AIM2: variants seen among roughly 807,000 people sequenced by gnomAD.
The protein encoded by AIM2 is absent in melanoma 2.
In AIM2, 30 loss-of-function variants were observed where a neutral mutation model predicts 27.7. That is an observed-to-expected ratio of 1.08 (90% CI 0.81 to 1.47). The LOEUF (loss-of-function observed/expected upper bound fraction) is 1.47, where lower values mean the gene tolerates loss of function less well. AIM2 is among the 40% of genes most tolerant of loss of function. The probability of loss-of-function intolerance (pLI) is 0.00; values close to 1 mark genes in which losing one functional copy is unlikely to be tolerated. For synonymous variants in AIM2, 141 were observed against 145.3 expected (o/e 0.97, Z 0.21); for missense variants, 358 against 411.3 (o/e 0.87, Z 1.12).
At chr1:159,145,693 A>G (rs1389864662) in intron 1 of AIM2, among the ~76,000 whole-genome samples, 3 of 152,202 alleles carry the variant, frequency 2.0e-5, no homozygotes, top group Admixed American at 2.0e-4. Context: ...GTCACAAGAA[A>G]GTCCATACAG....
intron 1 of AIM2, among the ~76,000 whole-genome samples, chr1:159,120,623 A>C (rs568438570): frequency 6.6e-6 from 1 of 152,352 alleles, no homozygotes; most frequent in Admixed American, 6.5e-5. Flanking sequence ...TAGCATGTGT[A>C]AAACTGCCAT....
intron 2 of AIM2, among the ~76,000 whole-genome samples, chr1:159,070,876 C>T (rs1656329541): frequency 6.6e-6 from 1 of 152,176 alleles, no homozygotes; most frequent in Non-Finnish European, 1.5e-5. Context: ...GGAGAGAAAA[C>T]AGCATCAAGG....
chr1:159,058,256 G>A (rs1655719114), downstream of AIM2, among the ~76,000 whole-genome samples: 2 of 151,562 alleles, frequency 1.3e-5, no homozygotes, highest in Admixed American at 6.6e-5. Context: ...GGCTAAGGCA[G>A]GACAATTGCT....
chr1:159,104,215 G>T (rs1205132504), intron 1 of AIM2, among the ~76,000 whole-genome samples: 1 of 152,042 alleles, frequency 6.6e-6, no homozygotes, highest in Non-Finnish European at 1.5e-5. Flanking sequence ...AGGGGAAATG[G>T]GGGCAGAGCC....
At chr1:159,117,747 T>C (rs540961422) in intron 1 of AIM2, among the ~76,000 whole-genome samples, 17 of 152,170 alleles carry the variant, frequency 1.1e-4, no homozygotes, top group African/African-American at 3.9e-4. Context: ...CAGCTTTGAA[T>C]TTCACTGACA....
At chr1:159,137,210 G>C (rs1274745946) in intron 1 of AIM2, among the ~76,000 whole-genome samples, 1 of 152,192 alleles carries the variant, frequency 6.6e-6, no homozygotes, top group Admixed American at 6.5e-5. Flanking sequence ...TTGAAAATTT[G>C]ATGGAATAGT....
chr1:159,112,075 A>T (rs1657589320), intron 1 of AIM2, among the ~76,000 whole-genome samples: 1 of 152,042 alleles, frequency 6.6e-6, no homozygotes, highest in Non-Finnish European at 1.5e-5. Flanking sequence ...CAAGATGGTA[A>T]CACCAAATCT....
intron 1 of AIM2, among the ~76,000 whole-genome samples, chr1:159,086,495 GC>G (rs1195552966): frequency 4.3e-4 from 66 of 152,208 alleles, no homozygotes; most frequent in Non-Finnish European, 4.6e-4. Context: ...CACATACCTC[GC>G]CCTCTACTTC....
intron 1 of AIM2, among the ~76,000 whole-genome samples, chr1:159,110,867 T>G (rs1657558070): frequency 6.6e-6 from 1 of 152,128 alleles, no homozygotes; most frequent in Non-Finnish European, 1.5e-5. Flanking sequence ...GGTTCAGAAG[T>G]TAGAACATCT....
intron 1 of AIM2, among the ~76,000 whole-genome samples, chr1:159,084,766 C>T (rs965963263): frequency 1.6e-5 from 2 of 123,280 alleles, no homozygotes; most frequent in East Asian, 2.5e-4. Flanking sequence ...CAGAGCAAAA[C>T]CCTGTCTGAA....
upstream of AIM2, among the ~76,000 whole-genome samples, chr1:159,142,352 AGTGTTCAGTGTGT>A (rs1648128884): frequency 6.6e-6 from 1 of 152,156 alleles, no homozygotes; most frequent in Non-Finnish European, 1.5e-5. Context: ...AAGAAAAAAC[AGTGTTCAGTGTGT>A]GTGTTCAGTG....
chr1:159,100,627 G>A (rs1456225996), intron 1 of AIM2, among the ~76,000 whole-genome samples: 1 of 152,216 alleles, frequency 6.6e-6, no homozygotes, highest in African/African-American at 2.4e-5. Context: ...AGTCTATAAT[G>A]TTCCTTTACA....
chr1:159,100,240 T>C (rs987068725), intron 1 of AIM2, among the ~76,000 whole-genome samples: 83 of 152,308 alleles, frequency 5.4e-4, no homozygotes, highest in African/African-American at 1.8e-3. Flanking sequence ...TAAAACACTT[T>C]CTCCTATATG....
intron 1 of AIM2, among the ~76,000 whole-genome samples, chr1:159,139,929 T>C (rs1285574103): frequency 6.6e-6 from 1 of 152,200 alleles, no homozygotes; most frequent in Non-Finnish European, 1.5e-5. Flanking sequence ...GGAATTCTCA[T>C]GGTTAAGCAC....
Position 159,068,613 on chromosome 1 carries a change from A to T in AIM2, c.351T>A (p.Asp117Glu), listed in dbSNP as rs770622479. 6.2e-7 allele frequency: 1 copy of T among 1,613,906 alleles called. No homozygotes were observed. The highest frequency in any genetic ancestry group is 8.5e-7 in the Non-Finnish European group (1 of 1,179,872). The change falls in exon 3 of 6, where the codon GAT (aspartate) becomes GAA (glutamate). Residue 117 changes from aspartate (D) to glutamate (E), a missense_variant. Asp to Glu is a conservative substitution (Grantham distance 45). Coordinates refer to ENST00000368130, the MANE Select transcript of AIM2 (RefSeq NM_004833.3). ...TTGGTGCAGCACGTTGCTTTGCGAC[A>T]TCATTTCTGATGGCTGCAGATGCAG... ...SPAASAAIRN[D>E]VAKQRAAPKV...
In AIM2 at chr1:159,065,893, T is replaced by C. The variant is rs1471464216; in HGVS notation, c.816+17A>G. The stretch of plus-strand genomic sequence containing the variant: ...TTATTCTTACTAATCAATATGAAAT[T>C]AGATATGAAAACTTACCTTCTGGAC... On this transcript the variant is annotated intron_variant, in intron 4 of 5. Transcript: ENST00000368130. 5.7e-6 allele frequency: 9 copies of C among 1,566,848 alleles called. No homozygotes were observed. The highest frequency in any genetic ancestry group is 6.9e-6 in the Non-Finnish European group (8 of 1,160,384).
intron 1 of AIM2, among the ~76,000 whole-genome samples, chr1:159,104,926 A>T (rs1428642230): frequency 6.6e-6 from 1 of 152,242 alleles, no homozygotes; most frequent in East Asian, 1.9e-4. Context: ...TAAGTGAATT[A>T]TATGTGTCAC....
intron 1 of AIM2, among the ~76,000 whole-genome samples, chr1:159,129,518 G>A (rs1203423944): frequency 6.6e-6 from 1 of 152,024 alleles, no homozygotes; most frequent in African/African-American, 2.4e-5. Context: ...AGATTGACTG[G>A]GTATCAATGC....
chr1:159,073,515 T>C lies in AIM2; in HGVS notation c.-16A>G, dbSNP rs746424567. 2 of 1,612,242 alleles carry C rather than the reference T, an allele frequency of 1.2e-6. No homozygotes were observed. The highest frequency in any genetic ancestry group is 3.3e-5 in the Admixed American group (2 of 59,936). On this transcript the variant is annotated 5_prime_UTR_variant, in exon 2 of 6. Transcript: ENST00000368130. The stretch of plus-strand genomic sequence containing the variant: ...TACTCTCCATCTGACAACTTTGGGA[T>C]CAGCCTATAAGGAATCCAAAACATG...
Sources: allele counts gnomAD v4.1 joint callset (sites outside exome capture counted in the v4.1 genomes callset), GRCh38; gene constraint gnomAD v4.1.1; transcripts MANE v1.5; gene names NCBI Gene and HGNC (gene_info 2026-07-23, HGNC 2026-07-21).